PTPRN2: variants seen among roughly 807,000 people sequenced by gnomAD.
PTPRN2 encodes protein tyrosine phosphatase receptor type N2, also known as receptor-type tyrosine-protein phosphatase N2.
A neutral mutation model predicts 118.8 loss-of-function variants in PTPRN2; 74 were observed. The ratio of observed to expected loss-of-function variants is 0.62; its 90% CI spans 0.52 to 0.76. The LOEUF is 0.76. Among genes scored for constraint, PTPRN2 ranks in the 30% least tolerant of loss-of-function variants. The pLI, the probability that PTPRN2 is intolerant of heterozygous loss-of-function variation, is 0.00. For synonymous variants in PTPRN2, 641 were observed against 608.0 expected, an observed-to-expected ratio of 1.05 and a Z score of -0.80; for missense variants, 1,481 against 1,394.4, an observed-to-expected ratio of 1.06 and a Z score of -0.99.
intron 2 of PTPRN2, among the ~76,000 whole-genome samples, chr7:158,333,938 G>A (rs76778245): frequency 6.6e-3 from 389 of 58,624 alleles, no homozygotes; most frequent in Middle Eastern, 9.6e-3. Context: ...CACCATAAGA[G>A]CTGTCGCCCG....
chr7:157,637,304 T>C (rs1804379185), intron 14 of PTPRN2, among the ~76,000 whole-genome samples: 1 of 152,148 alleles, frequency 6.6e-6, no homozygotes, highest in African/African-American at 2.4e-5. Context: ...TTTACGTAAC[T>C]AAGCCCTGAA....
intron 2 of PTPRN2, among the ~76,000 whole-genome samples, chr7:158,329,757 T>A (rs1003819114): frequency 6.6e-6 from 1 of 152,162 alleles, no homozygotes; most frequent in African/African-American, 2.4e-5. Flanking sequence ...AGGAACTTGC[T>A]CAGAGTTGGC....
rs1349003293 is a variant in PTPRN2 at position 157,794,729 on chromosome 7, G to A, written c.1788+103944C>T. ...CTGAAGACACCCAGCCTGAAACCAC[G>A]ATAAATGTGTGGAGTTGTGGAGACA... On this transcript the variant is annotated intron_variant, in intron 12 of 22. Transcript: ENST00000389418. The surrounding 1 kb of genome is among the most constrained non-coding windows in gnomAD (Gnocchi z 5.2). Among the ~76,000 whole-genome samples the A allele has an allele frequency of 6.6e-6, 1 of 152,206 alleles. No homozygotes were observed. Among genetic ancestry groups the A allele is most frequent in the African/African-American group, 2.4e-5 (1 of 41,448 alleles).
In PTPRN2 at chr7:157,747,894, C is replaced by G. The variant is rs1325688679; in HGVS notation, c.1789-64957G>C. ...TGAGCTGTGGGGTGTCCGGGTGATT[C>G]TGAGGCCTGCGTCCCTGAGGTGTGG... On this transcript the variant is annotated intron_variant, in intron 12 of 22. Coordinates refer to ENST00000389418, the MANE Select transcript of PTPRN2 (RefSeq NM_002847.5). Among the ~76,000 whole-genome samples, 47 of 144,546 alleles carry G rather than the reference C, an allele frequency of 3.3e-4. 1 individual carries two copies. The highest frequency in any genetic ancestry group is 6.2e-4 in the Non-Finnish European group (41 of 66,406). 94.8% of individuals were successfully genotyped at this position (144,546 alleles called of 152,430 possible).
chr7:158,005,087 T>G (rs1437555251), intron 11 of PTPRN2, among the ~76,000 whole-genome samples: 4 of 151,486 alleles, frequency 2.6e-5, no homozygotes, highest in Non-Finnish European at 5.9e-5. Context: ...TTTTTTTTTT[T>G]TTTCGAGACG....
chr7:158,156,580 G>A (rs1290760833), intron 6 of PTPRN2, among the ~76,000 whole-genome samples: 49 of 152,250 alleles, frequency 3.2e-4, no homozygotes, highest in Admixed American at 2.6e-3. Context: ...AATGCCGGTG[G>A]AGAGGGCAGG....
chr7:158,098,704 G>A (rs1381586771), intron 10 of PTPRN2, among the ~76,000 whole-genome samples: 2 of 152,170 alleles, frequency 1.3e-5, no homozygotes, highest in African/African-American at 2.4e-5. Flanking sequence ...GCTTGGGCTC[G>A]GGGACTGGAA....
chr7:157,992,915 C>T (rs1007914635), intron 11 of PTPRN2, among the ~76,000 whole-genome samples: 12 of 152,268 alleles, frequency 7.9e-5, no homozygotes, highest in Admixed American at 3.3e-4. Context: ...GACACACAGA[C>T]GCCAGGAGAC....
chr7:158,163,769 G>A lies in PTPRN2; in HGVS notation c.910+3162C>T, dbSNP rs999715714. Among the ~76,000 whole-genome samples the A allele has an allele frequency of 1.3e-4, 19 of 148,516 alleles. No individual in the cohort carries two copies. In the East Asian group the frequency reaches 2.3e-3, roughly 18 times the overall value. On this transcript the variant is annotated intron_variant, in intron 6 of 22. Coordinates refer to ENST00000389418, the MANE Select transcript of PTPRN2 (RefSeq NM_002847.5). ...TCTATTTCATAGGTGACGCCTGTAC[G>A]GGGTTCTCAATTCTATTTCATAGGT...
chr7:158,091,576 G>A (rs1475078093), intron 10 of PTPRN2, among the ~76,000 whole-genome samples: 2 of 152,160 alleles, frequency 1.3e-5, no homozygotes, highest in African/African-American at 4.8e-5. Context: ...ATAGATGGGT[G>A]CGTGAGGGAT....
At position 158,570,263 on chromosome 7, in the gene PTPRN2, C is replaced by T. The variant is rs1018800689; in HGVS notation, c.112+17295G>A. Among the ~76,000 whole-genome samples, 6 of 152,210 alleles carry T rather than the reference C, an allele frequency of 3.9e-5. No individual in the cohort carries two copies. Among genetic ancestry groups the T allele is most frequent in the Non-Finnish European group, 8.8e-5 (6 of 68,032 alleles). ...TTGGCCATGGGCCCTCGGTCCTCGC[C>T]CTGAGCAGCGCGCCGGGGTATAAGG... On this transcript the variant is annotated intron_variant, in intron 1 of 22. Coordinates refer to ENST00000389418, the MANE Select transcript of PTPRN2 (RefSeq NM_002847.5). The surrounding 1 kb of genome is among the most constrained non-coding windows in gnomAD (Gnocchi z 4.5).
At chr7:158,130,674 C>T (rs1045009034) in intron 9 of PTPRN2, among the ~76,000 whole-genome samples, 9 of 144,540 alleles carry the variant, frequency 6.2e-5, no homozygotes, top group East Asian at 4.1e-4. Flanking sequence ...TACACACACA[C>T]GTACATACAG....
At chr7:158,419,370 G>T (rs5009492) in intron 2 of PTPRN2, among the ~76,000 whole-genome samples, 1 of 18,124 alleles carries the variant, frequency 5.5e-5, no homozygotes, top group East Asian at 1.1e-3. Flanking sequence ...CAAGAATTCC[G>T]TCACTGCAAG....
In PTPRN2 at chr7:157,813,887, G is replaced by A. The variant is rs1485774564; in HGVS notation, c.1788+84786C>T. Among the ~76,000 whole-genome samples the A allele has an allele frequency of 6.6e-6, 1 of 152,262 alleles. No homozygotes were observed. Among genetic ancestry groups the A allele is most frequent in the Admixed American group, 6.5e-5 (1 of 15,292 alleles). On this transcript the variant is annotated intron_variant, in intron 12 of 22. Transcript: ENST00000389418. This position sits in a 1 kb window ranked among gnomAD's most constrained non-coding sequence, Gnocchi z 4.7. ...GCTGGGCCCAAGAACGTGCATTTGC[G>A]TTGTTCCCCAGGTGATGCTGCTGGT...
chr7:158,106,490 G>A lies in PTPRN2; in HGVS notation c.1643+4339C>T, dbSNP rs558465611. On this transcript the variant is annotated intron_variant, in intron 10 of 22. Transcript: ENST00000389418. ...TCCCTGCCTCCACACACACACCTCC[G>A]TGTATCATCTGGAAGAAGCTATTTC... 3.3e-5 allele frequency among the ~76,000 whole-genome samples: 5 copies of A among 152,268 alleles called. No homozygotes were observed. The South Asian group carries it at 6.2e-4, about 19-fold the overall frequency.
At chr7:157,877,318 G>A (rs567817488) in intron 12 of PTPRN2, among the ~76,000 whole-genome samples, 57 of 146,638 alleles carry the variant, frequency 3.9e-4, no homozygotes, top group Admixed American at 1.6e-3. Flanking sequence ...CCCCGGGTCC[G>A]AGTGCAGCAC....
chr7:158,587,542 G>A lies in PTPRN2; in HGVS notation c.112+16C>T, dbSNP rs753995718. Reference sequence around the variant, plus strand: ...TAATTCATTGAGGCGCCCCTCCCCCGGCGCCCCCCACTCACCCAGACGCCC... The same window carrying A: ...TAATTCATTGAGGCGCCCCTCCCCCAGCGCCCCCCACTCACCCAGACGCCC... On this transcript the variant is annotated intron_variant, in intron 1 of 22. Coordinates refer to ENST00000389418, the MANE Select transcript of PTPRN2 (RefSeq NM_002847.5). 8 of 1,161,116 alleles carry A rather than the reference G, an allele frequency of 6.9e-6. No homozygotes were observed. The East Asian group carries it at 1.6e-4, about 23-fold the overall frequency. 71.9% of individuals were successfully genotyped at this position (1,161,116 alleles called of 1,614,324 possible).
intron 13 of PTPRN2, among the ~76,000 whole-genome samples, chr7:157,677,158 G>A (rs1006458460): frequency 6.6e-5 from 10 of 152,166 alleles, no homozygotes; most frequent in Non-Finnish European, 1.0e-4. Context: ...GCAGTTATTC[G>A]AGTCATACCC....
chr7:157,715,170 C>T (rs374875674), intron 12 of PTPRN2, among the ~76,000 whole-genome samples: 2 of 152,130 alleles, frequency 1.3e-5, no homozygotes, highest in African/African-American at 4.8e-5. Context: ...AGAAAAGCAC[C>T]CCCTGCAGGG....
Sources: allele counts gnomAD v4.1 joint callset (sites outside exome capture counted in the v4.1 genomes callset), GRCh38; gene constraint gnomAD v4.1.1; non-coding constraint Gnocchi (gnomAD v3.1); transcripts MANE v1.5; gene names NCBI Gene and HGNC (gene_info 2026-07-23, HGNC 2026-07-21).